Variants in SI observed in about 807,000 individuals in gnomAD.
SI encodes sucrase-isomaltase, intestinal.
SI carries 235 observed loss-of-function variants against 253.3 expected under a neutral mutation model. The observed-to-expected ratio is 0.93, with a 90% CI of 0.83 to 1.03. SI has a LOEUF of 1.03. Ranked by LOEUF, SI falls within the 50% of genes least tolerant of loss-of-function variation. The pLI, the probability that SI is intolerant of heterozygous loss-of-function variation, is 0.00. For synonymous variants in SI, 819 were observed against 712.0 expected, an observed-to-expected ratio of 1.15 and a Z score of -2.39; for missense variants, 2,442 against 2,211.1, an observed-to-expected ratio of 1.10 and a Z score of -2.09.
Position 165,009,380 on chromosome 3 carries a change from C to T in SI, c.4078G>A (p.Val1360Ile). The T allele has an allele frequency of 1.2e-6, 2 of 1,613,102 alleles. No homozygotes were observed. The highest frequency in any genetic ancestry group is 1.7e-6 in the Non-Finnish European group (2 of 1,179,208). The stretch of plus-strand genomic sequence containing the variant: ...GTCCTGAAGAAATCTGGGAAAGCTA[C>T]ATGAGCTCTGGAAGCCTGTAAAACC... ...DEAVNASRAH[V>I]AFPDFFRTST... The change falls in exon 35 of 48, where the codon GTA becomes ATA. Residue 1360 changes from valine to isoleucine, a missense_variant. Transcript: ENST00000264382.
chr3:165,082,904 T>C (rs1329405831), upstream of SI, among the ~76,000 whole-genome samples: 1 of 151,942 alleles, frequency 6.6e-6, no homozygotes, highest in Non-Finnish European at 1.5e-5. Context: ...TTTAGACTTG[T>C]GCTGTGTGGC....
chr3:165,015,113 G>C lies in SI; in HGVS notation c.3999+10C>G, dbSNP rs772500737. 3.2e-6 allele frequency: 5 copies of C among 1,572,406 alleles called. No individual in the cohort carries two copies. The Admixed American group carries it at 5.0e-5, about 16-fold the overall frequency. On this transcript the variant is annotated intron_variant, in intron 33 of 47. Coordinates refer to ENST00000264382, the MANE Select transcript of SI (RefSeq NM_001041.4). ...TGTATTTATTCTATTTCAAGATATC[G>C]ATTTAGTACCTTTGCCCAACAAATG...
intron 12 of SI, among the ~76,000 whole-genome samples, chr3:165,056,410 T>A (rs1713696451): frequency 6.6e-6 from 1 of 152,090 alleles, no homozygotes; most frequent in South Asian, 2.1e-4. Context: ...ATTGAACAAC[T>A]ACCCATACAC....
At chr3:165,082,521 C>A (rs1715370097), upstream of SI, among the ~76,000 whole-genome samples, 1 of 151,928 alleles carries the variant, frequency 6.6e-6, no homozygotes. Flanking sequence ...ATTTTTAAAA[C>A]CCTATACCTT....
At chr3:165,084,504 AT>A in the SI span, among the ~76,000 whole-genome samples, 2 of 151,510 alleles carry the variant, frequency 1.3e-5, no homozygotes, top group Non-Finnish European at 2.9e-5. Flanking sequence ...ATATGTAAAA[AT>A]TTTTTTCTGT....
chr3:165,014,675 G>T (rs1337131527), intron 33 of SI, among the ~76,000 whole-genome samples: 4 of 151,910 alleles, frequency 2.6e-5, no homozygotes, highest in African/African-American at 9.7e-5. Context: ...TAATATATCA[G>T]GTCTGAATAT....
At chr3:165,063,131 T>C (rs1044292161) in intron 8 of SI, among the ~76,000 whole-genome samples, 4 of 152,124 alleles carry the variant, frequency 2.6e-5, no homozygotes, top group Non-Finnish European at 4.4e-5. Flanking sequence ...GTGGCATGTT[T>C]ACTTATCTCG....
At chr3:164,996,811 T>C in intron 38 of SI, 39 bp from the exon 39 acceptor site, 1 of 885,372 alleles carries the variant, frequency 1.1e-6, no homozygotes, top group African/African-American at 1.7e-5. Flanking sequence ...AAGTTATTAT[T>C]TCATATATTT....
At position 165,013,532 on chromosome 3, in the gene SI, C is replaced by T. The variant is rs536508732; in HGVS notation, c.4000-490G>A. ...ACTAAATCCTCCTCTCCCTTCATCCCACCACTATTCCCAGCCTGACCTCAT... is the reference window on the plus strand; with the variant it reads ...ACTAAATCCTCCTCTCCCTTCATCCTACCACTATTCCCAGCCTGACCTCAT... On this transcript the variant is annotated intron_variant, in intron 33 of 47. Coordinates refer to ENST00000264382, the MANE Select transcript of SI (RefSeq NM_001041.4). Among the ~76,000 whole-genome samples the T allele has an allele frequency of 1.5e-3, 226 of 152,196 alleles. 1 individual carries two copies. Among genetic ancestry groups the T allele is most frequent in the African/African-American group, 5.3e-3 (222 of 41,538 alleles).
intron 26 of SI, 85 bp from the exon 27 acceptor site, chr3:165,021,468 A>AAC (rs1711612247): frequency 2.9e-6 from 3 of 1,042,820 alleles, no homozygotes; most frequent in Non-Finnish European, 4.4e-6. Flanking sequence ...TAATGGCTCA[A>AAC]ACAAGAATAT....
chr3:165,068,722 C>T lies in SI; in HGVS notation c.483G>A (p.Lys161=). The T allele has an allele frequency of 1.9e-6, 3 of 1,610,634 alleles. No homozygotes were observed. Among genetic ancestry groups the T allele is most frequent in the Non-Finnish European group, 1.7e-6 (2 of 1,176,922 alleles). ...QNQTPNRFRF[K]ITDPNNRRYE... ...TCTTTGGAAACCTTAAAAACCGAAC[C>T]TTGAACCGGAAACGATTGGGTGTCT... Residue 161 remains lysine, a splice_region_variant and synonymous_variant, in exon 5 of 48, where the codon AAG becomes AAA. Transcript: ENST00000264382.
At chr3:165,026,858 C>T (rs986958305) in intron 25 of SI, among the ~76,000 whole-genome samples, 6 of 151,184 alleles carry the variant, frequency 4.0e-5, no homozygotes, top group African/African-American at 7.3e-5. Context: ...TAAATGCCTA[C>T]ACCAAAAAGT....
chr3:165,037,457 G>A (rs9682815), intron 21 of SI, among the ~76,000 whole-genome samples: 107,857 of 151,682 alleles, frequency 0.71, 39,480 homozygotes, highest in East Asian at 0.85. Context: ...TTTCTCTCTC[G>A]CTCTTTACCT....
At chr3:165,034,603 A>C (rs1365207638) in intron 22 of SI, among the ~76,000 whole-genome samples, 1 of 152,012 alleles carries the variant, frequency 6.6e-6, no homozygotes, top group Non-Finnish European at 1.5e-5. Flanking sequence ...CTTACACCCC[A>C]GGGTATTTAA....
chr3:165,015,834 G>A (rs2108171945), intron 32 of SI, 118 bp downstream of exon 32: 2 of 871,966 alleles, frequency 2.3e-6, no homozygotes, highest in East Asian at 2.4e-5. Flanking sequence ...TTTTAGATTT[G>A]GGAGTGTTAC....
rs59796544 is a variant in SI at position 165,073,170 on chromosome 3, TTC to T, written c.255+1359_255+1360del. ...GAATTCTATGTTTAGCTTCAATCAT[TTC>T]TCTCTCTCTCTCTCTCTCTCTCTCT... On this transcript the variant is annotated intron_variant, in intron 3 of 47. Transcript: ENST00000264382. 7.6e-3 allele frequency among the ~76,000 whole-genome samples: 1,003 copies of T among 131,728 alleles called. 11 individuals are homozygous for T. The highest frequency in any genetic ancestry group is 0.012 in the Admixed American group (151 of 13,008). The allele number at this position is 131,728 out of a possible 152,430, so 86.4% of individuals were successfully genotyped here.
chr3:165,062,474 A>C lies in SI; in HGVS notation c.917T>G (p.Ile306Ser), dbSNP rs369903847. The change falls in exon 9 of 48, where the codon ATC (isoleucine) becomes AGC (serine). Residue 306 changes from isoleucine to serine, a missense_variant. Physicochemically the swap from Ile to Ser is moderately radical, Grantham distance 142 (BLOSUM62 -2). Transcript: ENST00000264382. ...ATATGTTACTATTGGAGTAGGCTGG[A>C]TAAAAATCTCTGCAAAATAAAATTG... ...LMNSNAMEIF[I>S]QPTPIVTYRV... The C allele has an allele frequency of 1.9e-6, 3 of 1,573,468 alleles. No homozygotes were observed. Among genetic ancestry groups the C allele is most frequent in the East Asian group, 2.2e-5 (1 of 44,456 alleles).
chr3:165,042,932 T>G, intron 17 of SI, 127 bp downstream of exon 17: 1 of 722,312 alleles, frequency 1.4e-6, no homozygotes, highest in Non-Finnish European at 2.5e-6. Flanking sequence ...GAGAGGGACT[T>G]CTAACAATGT....
At chr3:165,055,918 TTCAAAG>T (rs1167083930) in intron 12 of SI, among the ~76,000 whole-genome samples, 1 of 152,096 alleles carries the variant, frequency 6.6e-6, no homozygotes, top group Non-Finnish European at 1.5e-5. Flanking sequence ...AAGTAAGTTG[TTCAAAG>T]TCAATCTACT....
Sources: allele counts gnomAD v4.1 joint callset (sites outside exome capture counted in the v4.1 genomes callset), GRCh38; gene constraint gnomAD v4.1.1; transcripts MANE v1.5; gene names NCBI Gene and HGNC (gene_info 2026-07-23, HGNC 2026-07-21).